The following DIAPH3 variants were observed in gnomAD, a reference collection of about 807,000 sequenced individuals.
The protein encoded by DIAPH3 is diaphanous related formin 3.
DIAPH3 carries 117 observed loss-of-function variants against 144.3 expected under a neutral mutation model. That is an observed-to-expected ratio of 0.81 (90% CI 0.70 to 0.95). DIAPH3 has a LOEUF of 0.95. Among genes scored for constraint, DIAPH3 ranks in the 40% least tolerant of loss-of-function variants. The pLI, the probability that DIAPH3 is intolerant of heterozygous loss-of-function variation, is 0.00. For missense variants in DIAPH3, 1,421 were observed against 1,412.7 expected (o/e 1.01, Z -0.09); for synonymous variants, 519 against 488.9 (o/e 1.06, Z -0.81).
chr13:60,052,101 C>T (rs951034263), intron 4 of DIAPH3, among the ~76,000 whole-genome samples: 2 of 151,938 alleles, frequency 1.3e-5, no homozygotes, highest in Admixed American at 6.6e-5. Flanking sequence ...TTTATATGAA[C>T]GATGAGGCAA....
intron 25 of DIAPH3, among the ~76,000 whole-genome samples, chr13:59,810,410 A>T (rs768065590): frequency 1.3e-5 from 2 of 152,168 alleles, no homozygotes; most frequent in Non-Finnish European, 2.9e-5. Context: ...CTCCCTTGGG[A>T]TATTTTGTTG....
At chr13:59,743,885 T>C (rs1031771165) in intron 27 of DIAPH3, among the ~76,000 whole-genome samples, 1 of 152,102 alleles carries the variant, frequency 6.6e-6, no homozygotes, top group Non-Finnish European at 1.5e-5. Flanking sequence ...AGCACTTTAA[T>C]AGAGGAAAAA....
rs1191305860 is a variant in DIAPH3, at chr13:59,992,525, C to G, written c.1073G>C (p.Arg358Thr). The G allele has an allele frequency of 6.2e-7, 1 of 1,612,084 alleles. No homozygotes were observed. The highest frequency in any genetic ancestry group is 8.5e-7 in the Non-Finnish European group (1 of 1,179,156). ...LVTSPDDLDFRLHIRNEFMRC... is the reference protein window; with the variant it reads ...LVTSPDDLDFTLHIRNEFMRC... ...CATAAATTCATTTCTGATGTGAAGCCTGAAATCCAAATCATCAGGAGATGT... is the reference window on the plus strand; with the variant it reads ...CATAAATTCATTTCTGATGTGAAGCGTGAAATCCAAATCATCAGGAGATGT... The change falls in exon 10 of 28, where the codon AGG becomes ACG. Residue 358 changes from arginine (R) to threonine (T), a missense_variant. Transcript: ENST00000400324.
intron 25 of DIAPH3, among the ~76,000 whole-genome samples, chr13:59,796,161 G>A (rs927648036): frequency 6.6e-6 from 1 of 152,176 alleles, no homozygotes; most frequent in Non-Finnish European, 1.5e-5. Context: ...TACCATCTGT[G>A]AGAAGCTTAT....
At chr13:59,922,471 C>T (rs1386417091) in intron 18 of DIAPH3, among the ~76,000 whole-genome samples, 2 of 152,018 alleles carry the variant, frequency 1.3e-5, no homozygotes, top group Non-Finnish European at 2.9e-5. Flanking sequence ...ATATTCTCTT[C>T]AATGAACTTT....
At chr13:60,086,268 C>T (rs2057742946) in intron 4 of DIAPH3, among the ~76,000 whole-genome samples, 1 of 152,032 alleles carries the variant, frequency 6.6e-6, no homozygotes, top group Non-Finnish European at 1.5e-5. Flanking sequence ...ACTGGTGCTG[C>T]CCAGAAATAA....
chr13:60,024,861 T>C (rs1055459), intron 5 of DIAPH3, among the ~76,000 whole-genome samples: 99,252 of 151,980 alleles, frequency 0.65, 33,064 homozygotes, highest in African/African-American at 0.74. Context: ...GGAATCTAGG[T>C]ACTCCCTGAT....
chr13:59,676,858 T>C lies in DIAPH3; in HGVS notation c.3320-10012A>G, dbSNP rs78731624. Among the ~76,000 whole-genome samples the C allele has an allele frequency of 1.5e-3, 235 of 152,310 alleles. 2 individuals are homozygous for C. The highest frequency in any genetic ancestry group is 5.5e-3 in the African/African-American group (228 of 41,588). ...AGAATTCAGTCCTGGGATACATTTG[T>C]GTTTATAACTGTTTTATAACAAAAT... On this transcript the variant is annotated intron_variant, in intron 27 of 27. Coordinates refer to ENST00000400324, the MANE Select transcript of DIAPH3 (RefSeq NM_001042517.2).
chr13:60,043,567 G>A (rs929539808), intron 4 of DIAPH3, among the ~76,000 whole-genome samples: 2 of 152,204 alleles, frequency 1.3e-5, no homozygotes, highest in African/African-American at 4.8e-5. Flanking sequence ...AGATCATGGA[G>A]TGATAGAGCA....
chr13:60,066,296 A>T (rs932342124), intron 4 of DIAPH3, among the ~76,000 whole-genome samples: 1 of 152,176 alleles, frequency 6.6e-6, no homozygotes, highest in Admixed American at 6.6e-5. Context: ...TATAAATGTT[A>T]TATCTAATTT....
chr13:59,669,026 T>G (rs1338428436), intron 27 of DIAPH3, among the ~76,000 whole-genome samples: 2 of 152,120 alleles, frequency 1.3e-5, no homozygotes, highest in Non-Finnish European at 2.9e-5. Flanking sequence ...CGCCAAATGC[T>G]GTCTCTAGAG....
intron 20 of DIAPH3, among the ~76,000 whole-genome samples, chr13:59,904,639 C>T (rs913461711): frequency 3.3e-5 from 5 of 150,980 alleles, no homozygotes; most frequent in African/African-American, 4.9e-5. Context: ...AGGACCAATG[C>T]GTCCCTAAAA....
chr13:60,136,935 G>C (rs1482085865), intron 1 of DIAPH3, among the ~76,000 whole-genome samples: 1 of 77,766 alleles, frequency 1.3e-5, no homozygotes, highest in Non-Finnish European at 2.6e-5. Flanking sequence ...GCGAGACTCC[G>C]TCTCAAAAAA....
At chr13:59,761,301 C>A (rs547342596) in intron 27 of DIAPH3, among the ~76,000 whole-genome samples, 1 of 152,186 alleles carries the variant, frequency 6.6e-6, no homozygotes, top group East Asian at 1.9e-4. Context: ...AAAAAGTCAA[C>A]GATTATAACT....
At chr13:59,830,388 T>C (rs939519003) in intron 24 of DIAPH3, among the ~76,000 whole-genome samples, 8 of 151,914 alleles carry the variant, frequency 5.3e-5, no homozygotes, top group Admixed American at 3.3e-4. Context: ...TTCATGCTTA[T>C]TTTTCTCCTA....
At chr13:59,800,363 A>G (rs1221806039) in intron 25 of DIAPH3, among the ~76,000 whole-genome samples, 1 of 152,182 alleles carries the variant, frequency 6.6e-6, no homozygotes, top group African/African-American at 2.4e-5. Context: ...ATAGGACAGT[A>G]TCAAGCATAA....
chr13:59,788,229 G>T (rs1281161766), intron 25 of DIAPH3, among the ~76,000 whole-genome samples: 1 of 152,168 alleles, frequency 6.6e-6, no homozygotes, highest in Non-Finnish European at 1.5e-5. Context: ...ATCAGTATTG[G>T]TGAAGGGTTG....
At chr13:60,099,481 T>C (rs2058202608) in intron 3 of DIAPH3, among the ~76,000 whole-genome samples, 1 of 152,206 alleles carries the variant, frequency 6.6e-6, no homozygotes, top group Non-Finnish European at 1.5e-5. Context: ...ATTGCATGGC[T>C]GACAGGGGAG....
intron 22 of DIAPH3, among the ~76,000 whole-genome samples, chr13:59,850,074 G>C (rs2042874352): frequency 6.7e-6 from 1 of 148,276 alleles, no homozygotes; most frequent in South Asian, 2.2e-4. Context: ...TATTCTCTTT[G>C]AAGCAATTGT....
Sources: gnomAD v4.1 joint callset for allele counts (sites outside exome capture counted in the v4.1 genomes callset) on GRCh38, gnomAD v4.1.1 for gene constraint, MANE v1.5 for transcripts, NCBI Gene and HGNC (gene_info 2026-07-23, HGNC 2026-07-21) for gene names.